The following COL9A1 variants were observed in gnomAD, a reference collection of about 807,000 sequenced individuals.
COL9A1 encodes the protein collagen type IX alpha 1 chain.
Under a neutral mutation model 142.6 loss-of-function variants are expected in COL9A1, and 104 were observed. The ratio of observed to expected loss-of-function variants is 0.73; its 90% CI spans 0.62 to 0.86. COL9A1 has a LOEUF of 0.86. Ranked by LOEUF, COL9A1 falls within the 40% of genes least tolerant of loss-of-function variation. The pLI is 0.00. For missense variants in COL9A1, 1,210 were observed against 1,176.6 expected (o/e 1.03, Z -0.42); for synonymous variants, 466 against 396.0 (o/e 1.18, Z -2.10).
chr6:70,245,489 T>A lies in COL9A1; in HGVS notation c.1873-2774A>T, dbSNP rs77386267. Among the ~76,000 whole-genome samples, 103 of 152,246 alleles carry A rather than the reference T, an allele frequency of 6.8e-4. 1 individual carries two copies. The East Asian group carries it at 0.017, about 25-fold the overall frequency. The stretch of plus-strand genomic sequence containing the variant: ...GCTAAATAAATGCTAAAACTCTTAG[T>A]CTTCAACAGCCTTGGTGATAACCAT... On this transcript the variant is annotated intron_variant, in intron 28 of 37. Coordinates refer to ENST00000357250, the MANE Select transcript of COL9A1 (RefSeq NM_001851.6).
intron 5 of COL9A1, 55 bp downstream of exon 5, chr6:70,294,112 T>C (rs765983268): frequency 4.4e-6 from 7 of 1,605,710 alleles, no homozygotes; most frequent in Non-Finnish European, 6.0e-6. Context: ...GAGATGTTCA[T>C]TTTTACCAAT....
At position 70,255,134 on chromosome 6, in the gene COL9A1, A is replaced by G. The variant is rs756902244; in HGVS notation, c.1611+16T>C. 33 of 1,614,062 alleles carry G rather than the reference A, an allele frequency of 2.0e-5. No individual in the cohort carries two copies. The highest frequency in any genetic ancestry group is 2.7e-5 in the Non-Finnish European group (32 of 1,179,988). On this transcript the variant is annotated intron_variant, in intron 23 of 37. Transcript: ENST00000357250. The stretch of plus-strand genomic sequence containing the variant: ...TCACTGAAAAATGTGCTTGATGACT[A>G]CAGCTCAGGACATACCGTGTCTCCT...
At position 70,287,216 on chromosome 6, in the gene COL9A1, T is replaced by C. The variant is rs544393335; in HGVS notation, c.697-3396A>G. On this transcript the variant is annotated intron_variant, in intron 5 of 37. Transcript: ENST00000357250. ...GGGTTACAACAACAAGTCCCAAGGGTAGGAAGTGGTATATAGAGAAGAGAC... is the reference window on the plus strand; with the variant it reads ...GGGTTACAACAACAAGTCCCAAGGGCAGGAAGTGGTATATAGAGAAGAGAC... Among the ~76,000 whole-genome samples the C allele has an allele frequency of 9.9e-5, 15 of 151,998 alleles. 1 individual carries two copies. The South Asian group carries it at 2.3e-3, about 23-fold the overall frequency.
chr6:70,254,436 G>A (rs755269643), intron 25 of COL9A1, 40 bp downstream of exon 25: 2 of 1,582,592 alleles, frequency 1.3e-6, no homozygotes. Context: ...TTTAAAACAT[G>A]TATATAAACC....
Position 70,216,866 on chromosome 6 carries a change from T to TCATGCAGACAGC in COL9A1, c.*19_*30dup. On this transcript the variant is annotated 3_prime_UTR_variant, in exon 38 of 38. Coordinates refer to ENST00000357250, the MANE Select transcript of COL9A1 (RefSeq NM_001851.6). ...CCCAGGCTCCTTCACCAGGCGTGGTTCATGCAGACAGCCATGCAGCAGTAA... is the reference window on the plus strand; with the variant it reads ...CCCAGGCTCCTTCACCAGGCGTGGTTCATGCAGACAGCCATGCAGACAGCCATGCAGCAGTAA... 6.2e-7 allele frequency: 1 copy of TCATGCAGACAGC among 1,612,648 alleles called. No individual in the cohort carries two copies. The highest frequency in any genetic ancestry group is 8.5e-7 in the Non-Finnish European group (1 of 1,179,486).
chr6:70,263,848 A>G (rs1481866153), intron 18 of COL9A1, among the ~76,000 whole-genome samples: 2 of 151,936 alleles, frequency 1.3e-5, no homozygotes, highest in African/African-American at 4.8e-5. Context: ...TCACTCATAG[A>G]AAAGCCTTTT....
chr6:70,298,967 C>T (rs1773951518), intron 4 of COL9A1, among the ~76,000 whole-genome samples: 1 of 152,034 alleles, frequency 6.6e-6, no homozygotes, highest in Admixed American at 6.6e-5. Flanking sequence ...CATTCCAACC[C>T]ACTCACCTTA....
At chr6:70,261,384 T>C (rs1327558621) in intron 19 of COL9A1, among the ~76,000 whole-genome samples, 1 of 151,772 alleles carries the variant, frequency 6.6e-6, no homozygotes, top group Non-Finnish European at 1.5e-5. Context: ...CTGGCCCCCA[T>C]ACTAGGAGGG....
intron 5 of COL9A1, among the ~76,000 whole-genome samples, chr6:70,293,620 C>G (rs1342867467): frequency 1.4e-5 from 2 of 143,174 alleles, no homozygotes; most frequent in Non-Finnish European, 1.5e-5. Flanking sequence ...ACCCTCCTCT[C>G]TCTCTCTCTT....
intron 36 of COL9A1, among the ~76,000 whole-genome samples, chr6:70,229,571 C>T (rs535655356): frequency 1.3e-5 from 2 of 152,232 alleles, no homozygotes; most frequent in South Asian, 4.2e-4. Flanking sequence ...TGTGTGTTTT[C>T]TCAAACCTTC....
At chr6:70,265,660 A>G (rs1366324959) in intron 18 of COL9A1, among the ~76,000 whole-genome samples, 2 of 151,816 alleles carry the variant, frequency 1.3e-5, no homozygotes, top group Non-Finnish European at 2.9e-5. Flanking sequence ...TTTTTTTCCT[A>G]TTTTCTCCAA....
At chr6:70,242,428 C>T (rs1191954510) in intron 29 of COL9A1, among the ~76,000 whole-genome samples, 1 of 152,184 alleles carries the variant, frequency 6.6e-6, no homozygotes, top group Non-Finnish European at 1.5e-5. Flanking sequence ...CCAAATGCAG[C>T]ACTTCACATT....
intron 16 of COL9A1, among the ~76,000 whole-genome samples, chr6:70,269,231 C>T (rs556397392): frequency 4.0e-4 from 61 of 152,302 alleles, no homozygotes; most frequent in Non-Finnish European, 8.5e-4. Flanking sequence ...TTCCACTAGA[C>T]TAGCCCCATC....
rs564919208 is a variant in COL9A1, at chr6:70,242,710, A to G, written c.1878T>C (p.Ser626=). Residue 626 remains serine, a synonymous_variant, in exon 29 of 38, where the codon AGT becomes AGC. Coordinates refer to ENST00000357250, the MANE Select transcript of COL9A1 (RefSeq NM_001851.6). Reference sequence around the variant, plus strand: ...ATCCCACTGGTCCTAATTCTCCTCTACTGCCCTGTAAAAACACAAACATTG... The same window carrying G: ...ATCCCACTGGTCCTAATTCTCCTCTGCTGCCCTGTAAAAACACAAACATTG... ...GPRGPQGLPG[S]RGELGPVGSP... is the part of the protein sequence containing the mutation. The G allele has an allele frequency of 1.2e-5, 20 of 1,613,990 alleles. No individual in the cohort carries two copies. Among genetic ancestry groups the G allele is most frequent in the Middle Eastern group, 1.6e-4 (1 of 6,062 alleles).
chr6:70,228,797 A>G (rs1236567852), intron 36 of COL9A1, among the ~76,000 whole-genome samples: 1 of 152,170 alleles, frequency 6.6e-6, no homozygotes, highest in Admixed American at 6.5e-5. Context: ...GGTTGAACTC[A>G]TATTTACATA....
intron 19 of COL9A1, among the ~76,000 whole-genome samples, chr6:70,261,749 T>C (rs1024100334): frequency 1.3e-5 from 2 of 152,352 alleles, no homozygotes; most frequent in South Asian, 2.1e-4. Context: ...TGTAGCTCAT[T>C]TACTGACTCT....
At chr6:70,265,508 T>C (rs1771954426) in intron 18 of COL9A1, among the ~76,000 whole-genome samples, 1 of 151,812 alleles carries the variant, frequency 6.6e-6, no homozygotes, top group Admixed American at 6.6e-5. Flanking sequence ...TACTTTTTTT[T>C]TTTTTTTTGG....
At chr6:70,233,858 TACTGTA>T (rs1018465363) in intron 35 of COL9A1, among the ~76,000 whole-genome samples, 1 of 152,196 alleles carries the variant, frequency 6.6e-6, no homozygotes, top group Middle Eastern at 3.2e-3. Flanking sequence ...TACACCAGAA[TACTGTA>T]ACTAGCTATG....
At chr6:70,261,555 T>G (rs1771689224) in intron 19 of COL9A1, among the ~76,000 whole-genome samples, 1 of 152,180 alleles carries the variant, frequency 6.6e-6, no homozygotes, top group South Asian at 2.1e-4. Flanking sequence ...ATTTCCCTCT[T>G]CTTCTCACTT....
Sources: allele counts gnomAD v4.1 joint callset (sites outside exome capture counted in the v4.1 genomes callset), GRCh38; gene constraint gnomAD v4.1.1; transcripts MANE v1.5; gene names NCBI Gene and HGNC (gene_info 2026-07-23, HGNC 2026-07-21).